ANKH: variants seen among roughly 807,000 people sequenced by gnomAD.
ANKH encodes the protein mineralization regulator ANKH.
In ANKH, 15 loss-of-function variants were observed where a neutral mutation model predicts 49.0. The ratio of observed to expected loss-of-function variants is 0.31; its 90% CI spans 0.20 to 0.47. The LOEUF (loss-of-function observed/expected upper bound fraction) is 0.47, where lower values mean the gene tolerates loss of function less well. Among genes scored for constraint, ANKH ranks in the 20% least tolerant of loss-of-function variants. The pLI, the probability that ANKH is intolerant of heterozygous loss-of-function variation, is 1.00. For synonymous variants in ANKH, 273 were observed against 260.0 expected (o/e 1.05, Z -0.48); for missense variants, 429 against 652.0 (o/e 0.66, Z 3.72).
chr5:14,819,036 T>C (rs1158689429), intron 1 of ANKH, among the ~76,000 whole-genome samples: 6 of 152,146 alleles, frequency 3.9e-5, no homozygotes, highest in Admixed American at 3.9e-4. Flanking sequence ...GGCTTCACCA[T>C]AAAGCACCAA....
chr5:14,764,941 T>A (rs1023408475), intron 2 of ANKH, among the ~76,000 whole-genome samples: 1 of 152,168 alleles, frequency 6.6e-6, no homozygotes, highest in Non-Finnish European at 1.5e-5. Flanking sequence ...AAAGTTAAAA[T>A]CCACAGCAGC....
rs34837612 is a variant in ANKH, at chr5:14,843,175, CTT to C, written c.96+28175_96+28176del. On this transcript the variant is annotated intron_variant, in intron 1 of 11. Transcript: ENST00000284268. ...ACCTTTGCAGAGCCACCAGGGTTCTCTTTTTTTTTTTTTTTTTTTGAGAAGAG... is the reference window on the plus strand; with the variant it reads ...ACCTTTGCAGAGCCACCAGGGTTCTCTTTTTTTTTTTTTTTTTGAGAAGAG... Among the ~76,000 whole-genome samples the C allele has an allele frequency of 2.9e-3, 379 of 132,208 alleles. 1 individual carries two copies. Among genetic ancestry groups the C allele is most frequent in the South Asian group, 7.0e-3 (28 of 3,998 alleles). The allele number at this position is 132,208 out of a possible 152,430, so 86.7% of individuals were successfully genotyped here. A position where few individuals can be genotyped will look rare whatever the true frequency, so the allele number is the denominator to read the frequency against.
intron 1 of ANKH, among the ~76,000 whole-genome samples, chr5:14,800,985 C>T (rs905354539): frequency 6.6e-6 from 1 of 152,124 alleles, no homozygotes; most frequent in African/African-American, 2.4e-5. Flanking sequence ...CTCAGCCTCC[C>T]AAAGGGGTAG....
At chr5:14,807,140 G>T in intron 1 of ANKH, among the ~76,000 whole-genome samples, 2 of 147,890 alleles carry the variant, frequency 1.4e-5, no homozygotes, top group African/African-American at 2.5e-5. Context: ...TTTGAGGTAG[G>T]GCCTCGCTCT....
In ANKH at chr5:14,737,530, C is replaced by T. The variant is rs1007732738; in HGVS notation, c.1011+4297G>A. Among the ~76,000 whole-genome samples, 3 of 152,300 alleles carry T rather than the reference C, an allele frequency of 2.0e-5. No individual in the cohort carries two copies. The highest frequency in any genetic ancestry group is 7.2e-5 in the African/African-American group (3 of 41,552). On this transcript the variant is annotated intron_variant, in intron 8 of 11. Transcript: ENST00000284268. The surrounding 1 kb of genome is among the most constrained non-coding windows in gnomAD (Gnocchi z 5.0). ...TGTGTTCTACAGCCAGTCACATGAGCGACAGAGACCGCAGCTGTCCAGGAA... is the reference window on the plus strand; with the variant it reads ...TGTGTTCTACAGCCAGTCACATGAGTGACAGAGACCGCAGCTGTCCAGGAA...
At chr5:14,811,287 A>C (rs776965852) in intron 1 of ANKH, among the ~76,000 whole-genome samples, 14 of 152,234 alleles carry the variant, frequency 9.2e-5, no homozygotes, top group Middle Eastern at 3.2e-3. Flanking sequence ...ACCACAGCAC[A>C]GCGACAGGGA....
Position 14,713,538 on chromosome 5 carries a change from A to C in ANKH, c.1265+6T>G. 1 of 1,614,066 alleles carries C rather than the reference A, an allele frequency of 6.2e-7. No homozygotes were observed. Among genetic ancestry groups the C allele is most frequent in the Non-Finnish European group, 8.5e-7 (1 of 1,179,976 alleles). The stretch of plus-strand genomic sequence containing the variant: ...ACCCACAGCCCCAAACTCCCTGACA[A>C]CATACCCCAGGTAGGGTAGGACCAC... On this transcript the variant is annotated splice_donor_region_variant and intron_variant, in intron 10 of 11. Coordinates refer to ENST00000284268, the MANE Select transcript of ANKH (RefSeq NM_054027.6). This position sits in a 1 kb window ranked among gnomAD's most constrained non-coding sequence, Gnocchi z 4.4.
At chr5:14,861,414 G>A (rs777750905) in intron 1 of ANKH, among the ~76,000 whole-genome samples, 12 of 152,150 alleles carry the variant, frequency 7.9e-5, no homozygotes, top group Non-Finnish European at 1.5e-5. Context: ...ATGACAAAAT[G>A]TCCTAAGAAG....
chr5:14,810,872 C>CTA (rs1452355277), intron 1 of ANKH, among the ~76,000 whole-genome samples: 1 of 152,170 alleles, frequency 6.6e-6, no homozygotes, highest in Non-Finnish European at 1.5e-5. Context: ...TTTACCTCTT[C>CTA]TATACCTAGA....
Position 14,713,922 on chromosome 5 carries a change from T to G in ANKH, c.1142-255A>C, listed in dbSNP as rs1297096849. On this transcript the variant is annotated intron_variant, in intron 9 of 11. Coordinates refer to ENST00000284268, the MANE Select transcript of ANKH (RefSeq NM_054027.6). The surrounding 1 kb of genome is among the most constrained non-coding windows in gnomAD (Gnocchi z 4.4). Reference sequence around the variant, plus strand: ...GGACCAGGCAGGCTCCTTTCTCCACTGGGACAGCATCTTCCAGGCAGCCTA... The same window carrying G: ...GGACCAGGCAGGCTCCTTTCTCCACGGGGACAGCATCTTCCAGGCAGCCTA... Among the ~76,000 whole-genome samples, 1 of 152,260 alleles carries G rather than the reference T, an allele frequency of 6.6e-6. No individual in the cohort carries two copies. Among genetic ancestry groups the G allele is most frequent in the Non-Finnish European group, 1.5e-5 (1 of 68,048 alleles).
intron 8 of ANKH, among the ~76,000 whole-genome samples, chr5:14,719,393 A>G (rs895051467): frequency 6.6e-6 from 1 of 152,224 alleles, no homozygotes; most frequent in Non-Finnish European, 1.5e-5. Flanking sequence ...CATGGAGTGG[A>G]AAAGAGCAAG....
At chr5:14,747,916 T>G (rs1738589983) in intron 6 of ANKH, among the ~76,000 whole-genome samples, 1 of 152,146 alleles carries the variant, frequency 6.6e-6, no homozygotes, top group Non-Finnish European at 1.5e-5. Context: ...TCTGGTGGAA[T>G]AGTAAGAACA....
intron 1 of ANKH, among the ~76,000 whole-genome samples, chr5:14,826,816 C>A (rs1741355985): frequency 6.6e-6 from 1 of 152,210 alleles, no homozygotes; most frequent in African/African-American, 2.4e-5. Flanking sequence ...TCGATTTGCT[C>A]TCCATATGTT....
At position 14,713,016 on chromosome 5, in the gene ANKH, G is replaced by T. The variant is rs1297294483; in HGVS notation, c.1266-43C>A. 2 of 1,574,956 alleles carry T rather than the reference G, an allele frequency of 1.3e-6. No homozygotes were observed. Among genetic ancestry groups the T allele is most frequent in the Non-Finnish European group, 1.7e-6 (2 of 1,153,278 alleles). On this transcript the variant is annotated intron_variant, in intron 10 of 11. Coordinates refer to ENST00000284268, the MANE Select transcript of ANKH (RefSeq NM_054027.6). The surrounding 1 kb of genome is among the most constrained non-coding windows in gnomAD (Gnocchi z 4.4). ...AAGGCAATTTGTCTGTTAAGGCCAA[G>T]TCAAGGCACAACCGTCGATGCCAAA...
At chr5:14,741,956 CG>C (rs1326739822) in intron 7 of ANKH, 34 bp from the exon 8 acceptor site, 14 of 1,558,684 alleles carry the variant, frequency 9.0e-6, no homozygotes, top group Non-Finnish European at 1.2e-5. Flanking sequence ...TGAATGGGCC[CG>C]GCTTATCCTT....
At chr5:14,798,488 T>A in intron 1 of ANKH, 1 of 910,960 alleles carries the variant, frequency 1.1e-6, no homozygotes, top group African/African-American at 2.3e-5. Context: ...GCACGCGGTC[T>A]CTATTTTTTT....
intron 1 of ANKH, among the ~76,000 whole-genome samples, chr5:14,772,738 C>G (rs1264221114): frequency 6.6e-6 from 1 of 152,244 alleles, no homozygotes; most frequent in East Asian, 1.9e-4. Context: ...GTAGGGGACA[C>G]TACTGGTGTC....
At chr5:14,735,241 G>A (rs1220271395) in intron 8 of ANKH, among the ~76,000 whole-genome samples, 1 of 151,976 alleles carries the variant, frequency 6.6e-6, no homozygotes, top group Non-Finnish European at 1.5e-5. Context: ...ACACCTACTA[G>A]GTACCCACAA....
chr5:14,785,115 C>T (rs1304238356), intron 1 of ANKH, among the ~76,000 whole-genome samples: 1 of 152,216 alleles, frequency 6.6e-6, no homozygotes, highest in Non-Finnish European at 1.5e-5. Flanking sequence ...ATATCCACTG[C>T]CCAAACACAG....
Sources: gnomAD v4.1 joint callset for allele counts (sites outside exome capture counted in the v4.1 genomes callset) on GRCh38, gnomAD v4.1.1 for gene constraint, Gnocchi (gnomAD v3.1) non-coding constraint, MANE v1.5 for transcripts, NCBI Gene and HGNC (gene_info 2026-07-23, HGNC 2026-07-21) for gene names.